Variants in CDCA5 observed in about 807,000 individuals in gnomAD.
The protein encoded by CDCA5 is sororin.
In CDCA5, 14 loss-of-function variants were observed where a neutral mutation model predicts 25.7. That is an observed-to-expected ratio of 0.54 (90% CI 0.36 to 0.85). The LOEUF (loss-of-function observed/expected upper bound fraction) is 0.85. Among genes scored for constraint, CDCA5 ranks in the 40% least tolerant of loss-of-function variants. The pLI, the probability that CDCA5 is intolerant of heterozygous loss-of-function variation, is 0.01. For missense variants in CDCA5, 307 were observed against 324.5 expected, an observed-to-expected ratio of 0.95 and a Z score of 0.41; for synonymous variants, 127 against 128.7, an observed-to-expected ratio of 0.99 and a Z score of 0.09.
chr11:65,082,459 CTTTTTTTTTTTT>C (rs35061489), intron 4 of CDCA5, among the ~76,000 whole-genome samples: 2 of 103,088 alleles, frequency 1.9e-5, no homozygotes, highest in Admixed American at 1.1e-4. Context: ...ACCTACTTGT[CTTTTTTTTTTTT>C]TTTTTTTTTG....
At chr11:65,072,447 T>C (rs1053313229) in intron 1 of CDCA5, among the ~76,000 whole-genome samples, 1 of 152,156 alleles carries the variant, frequency 6.6e-6, no homozygotes, top group Non-Finnish European at 1.5e-5. Flanking sequence ...TGAAGTCCAC[T>C]CTCCAAGAAA....
At chr11:65,061,657 C>G (rs914098528), downstream of CDCA5, among the ~76,000 whole-genome samples, 1 of 151,412 alleles carries the variant, frequency 6.6e-6, no homozygotes, top group Non-Finnish European at 1.5e-5. Flanking sequence ...CACCTGTAGT[C>G]CCAGCTACTC....
downstream of CDCA5, among the ~76,000 whole-genome samples, chr11:65,063,573 G>A (rs1182356049): frequency 6.6e-6 from 1 of 152,242 alleles, no homozygotes; most frequent in Non-Finnish European, 1.5e-5. Context: ...CAGACAGCAA[G>A]GGGTGGAGCT....
At chr11:65,071,368 G>A (rs1329419822) in intron 1 of CDCA5, among the ~76,000 whole-genome samples, 1 of 140,420 alleles carries the variant, frequency 7.1e-6, no homozygotes, top group Non-Finnish European at 1.6e-5. Flanking sequence ...TTTTTCCTGG[G>A]GACAGTCTCG....
At position 65,083,702 on chromosome 11, in the gene CDCA5, G is replaced by A; in HGVS notation, c.68C>T (p.Thr23Ile). The A allele has an allele frequency of 6.2e-7, 1 of 1,614,006 alleles. No homozygotes were observed. Among genetic ancestry groups the A allele is most frequent in the Non-Finnish European group, 8.5e-7 (1 of 1,179,914 alleles). ...CCGCTGGGACCTCCGCAGAGGCTTAGTAGGAGATGGGGCCCTTGGCCCTGG... is the reference window on the plus strand; with the variant it reads ...CCGCTGGGACCTCCGCAGAGGCTTAATAGGAGATGGGGCCCTTGGCCCTGG... ...QRSGPRAPSP[T>I]KPLRRSQRKS... The change falls in exon 2 of 6, where the codon ACT becomes ATT. Residue 23 changes from threonine to isoleucine, a missense_variant. By Grantham distance (89) the Thr-to-Ile change is moderately conservative. Transcript: ENST00000275517.
At chr11:65,082,380 A>G (rs1947586342) in intron 4 of CDCA5, among the ~76,000 whole-genome samples, 1 of 150,954 alleles carries the variant, frequency 6.6e-6, no homozygotes, top group Admixed American at 6.6e-5. Context: ...ACAAATTGCT[A>G]TTCCCCGAAC....
intron 1 of CDCA5, among the ~76,000 whole-genome samples, chr11:65,069,688 A>G (rs1296860117): frequency 6.6e-6 from 1 of 152,236 alleles, no homozygotes; most frequent in South Asian, 2.1e-4. Context: ...AGTAATTCAC[A>G]TGGACGACCA....
At chr11:65,076,118 T>C (rs1180318743), downstream of CDCA5, among the ~76,000 whole-genome samples, 1 of 152,162 alleles carries the variant, frequency 6.6e-6, no homozygotes, top group African/African-American at 2.4e-5. Flanking sequence ...CTTTTGGTTG[T>C]CTTTTTTGTC....
intron 4 of CDCA5, 40 bp downstream of exon 4, chr11:65,083,323 AC>A: frequency 6.2e-7 from 1 of 1,611,670 alleles, no homozygotes; most frequent in Non-Finnish European, 8.5e-7. Context: ...CTCTAGAGTG[AC>A]CCAGATTCTA....
Position 65,078,355 on chromosome 11 carries a change from A to G in CDCA5, c.*752T>C, listed in dbSNP as rs1947487777. ...CAGAAACTCACAGCACCTGGTGGCC[A>G]CACCCTGAAATGCACCCTTTGCTCC... On this transcript the variant is annotated 3_prime_UTR_variant, in exon 6 of 6. Transcript: ENST00000275517. The G allele has an allele frequency of 1.0e-6, 1 of 985,604 alleles. No homozygotes were observed. Among genetic ancestry groups the G allele is most frequent in the African/African-American group, 1.7e-5 (1 of 57,238 alleles). 61.1% of individuals were successfully genotyped at this position (985,604 alleles called of 1,614,324 possible).
rs1947527089 is a variant in CDCA5, at chr11:65,079,760, C to T, written c.271G>A (p.Glu91Lys). The T allele has an allele frequency of 6.8e-7, 1 of 1,480,832 alleles. No homozygotes were observed. The highest frequency in any genetic ancestry group is 9.0e-7 in the Non-Finnish European group (1 of 1,114,694). The allele number at this position is 1,480,832 out of a possible 1,614,324, so 91.7% of individuals were successfully genotyped here. The change falls in exon 5 of 6, where the codon GAG (glutamate) becomes AAG (lysine). Residue 91 changes from glutamate to lysine, a missense_variant. By Grantham distance (56) the Glu-to-Lys change is moderately conservative. Transcript: ENST00000275517. ...TTAGTAAGCTCCCTGCCAGGGGGCT[C>T]GTTTTCTTTCTCCAAGAAAAAGGAA... ...RISFFLEKEN[E>K]PPGRELTKED...
At position 65,068,582 on chromosome 11, in the gene CDCA5, C is replaced by CT; in HGVS notation, c.82dup (p.Arg28LysfsTer16). On this transcript the variant is annotated frameshift_variant, in exon 2 of 7. Transcript: ENST00000525464. LOFTEE classifies it high-confidence loss of function. ...CTTGTTGGCCAGCTTGGAGTGGGCT[C>CT]TTTGTCTGCCCCTAAGAGACTGAGA... The CT allele has an allele frequency of 7.8e-7, 1 of 1,289,326 alleles. No individual in the cohort carries two copies. The highest frequency in any genetic ancestry group is 1.0e-6 in the Non-Finnish European group (1 of 988,792). The allele number at this position is 1,289,326 out of a possible 1,614,324, so 79.9% of individuals were successfully genotyped here.
Position 65,078,664 on chromosome 11 carries a change from C to T in CDCA5, c.*443G>A. 1 of 994,932 alleles carries T rather than the reference C, an allele frequency of 1.0e-6. No individual in the cohort carries two copies. The highest frequency in any genetic ancestry group is 1.2e-6 in the Non-Finnish European group (1 of 836,720). 61.6% of individuals were successfully genotyped at this position (994,932 alleles called of 1,614,324 possible). ...ACAGGTGGGTTCAAGAAGAAAGCCA[C>T]CAACAGAAGGCAACTCAGGAGGGAG... On this transcript the variant is annotated 3_prime_UTR_variant, in exon 6 of 6. Coordinates refer to ENST00000275517, the MANE Select transcript of CDCA5 (RefSeq NM_080668.4).
chr11:65,074,060 C>T (rs1415776461), downstream of CDCA5, among the ~76,000 whole-genome samples: 1 of 152,180 alleles, frequency 6.6e-6, no homozygotes, highest in Non-Finnish European at 1.5e-5. Flanking sequence ...CAGGCACCAG[C>T]GACCATTCAT....
At position 65,078,188 on chromosome 11, in the gene CDCA5, T is replaced by C. The variant is rs531702606; in HGVS notation, c.*919A>G. Reference sequence around the variant, plus strand: ...TCTGGGACTCTTCAACTTTCTCTTCTAGGGCCAAGTAGACTCGGTGTAACT... The same window carrying C: ...TCTGGGACTCTTCAACTTTCTCTTCCAGGGCCAAGTAGACTCGGTGTAACT... On this transcript the variant is annotated 3_prime_UTR_variant, in exon 6 of 6. Transcript: ENST00000275517. 2 of 985,448 alleles carry C rather than the reference T, an allele frequency of 2.0e-6. No individual in the cohort carries two copies. The highest frequency in any genetic ancestry group is 4.7e-5 in the South Asian group (1 of 21,292). 61.0% of individuals were successfully genotyped at this position (985,448 alleles called of 1,614,324 possible). A position where few individuals can be genotyped will look rare whatever the true frequency, so the allele number is the denominator to read the frequency against.
intron 4 of CDCA5, chr11:65,067,627 C>A: frequency 2.4e-6 from 3 of 1,272,224 alleles, no homozygotes; most frequent in Non-Finnish European, 3.1e-6. Context: ...TGTCACCCTA[C>A]CCGCTCCCAT....
At chr11:65,064,331 T>C (rs1286822811), downstream of CDCA5, among the ~76,000 whole-genome samples, 1 of 144,070 alleles carries the variant, frequency 6.9e-6, no homozygotes, top group African/African-American at 2.6e-5. Flanking sequence ...GGCAGGAGAA[T>C]GGCATGAAGC....
Position 65,077,966 on chromosome 11 carries a change from C to A in CDCA5, c.*1141G>T, listed in dbSNP as rs489489. ...GGGGGCAGGGCAGCCTTCAAATCCA[C>A]ACTATTGAATCCACACGATGGAAAG... On this transcript the variant is annotated 3_prime_UTR_variant, in exon 6 of 6. Coordinates refer to ENST00000275517, the MANE Select transcript of CDCA5 (RefSeq NM_080668.4). 580,050 of 985,180 alleles carry A rather than the reference C, an allele frequency of 0.59. 177,925 individuals carry two copies. The highest frequency in any genetic ancestry group is 0.65 in the Middle Eastern group (1,252 of 1,918). The allele number at this position is 985,180 out of a possible 1,614,324, so 61.0% of individuals were successfully genotyped here.
intron 1 of CDCA5, among the ~76,000 whole-genome samples, chr11:65,069,050 G>A (rs1947294028): frequency 6.6e-6 from 1 of 151,876 alleles, no homozygotes; most frequent in Admixed American, 6.6e-5. Context: ...GACCAACCTG[G>A]GCAACACACC....
Sources: allele counts gnomAD v4.1 joint callset (sites outside exome capture counted in the v4.1 genomes callset), GRCh38; gene constraint gnomAD v4.1.1; transcripts MANE v1.5; gene names NCBI Gene and HGNC (gene_info 2026-07-23, HGNC 2026-07-21).